PTPRD: variants seen among roughly 807,000 people sequenced by gnomAD.
PTPRD encodes receptor-type tyrosine-protein phosphatase delta.
In PTPRD, 34 loss-of-function variants were observed where a neutral mutation model predicts 214.5. That is an observed-to-expected ratio of 0.16 (90% confidence interval 0.12 to 0.21). PTPRD has a LOEUF of 0.21. Ranked by LOEUF, PTPRD falls within the 10% of genes least tolerant of loss-of-function variation. The pLI is 1.00. For synonymous variants in PTPRD, 1,128 were observed against 845.7 expected (o/e 1.33, Z -5.79); for missense variants, 2,545 against 2,398.7 (o/e 1.06, Z -1.27).
chr9:8,375,731 T>C (rs1031341737), intron 39 of PTPRD, among the ~76,000 whole-genome samples: 3 of 152,080 alleles, frequency 2.0e-5, no homozygotes, highest in African/African-American at 7.2e-5. Flanking sequence ...CAGTGGACCA[T>C]AGCTACCTAC....
chr9:8,324,109 T>TC (rs1468392742), intron 44 of PTPRD, among the ~76,000 whole-genome samples: 1 of 151,864 alleles, frequency 6.6e-6, no homozygotes. Flanking sequence ...GCATTTTTTT[T>TC]TTTTTTTAAA....
intron 12 of PTPRD, among the ~76,000 whole-genome samples, chr9:8,722,140 TGTGTGTGTGTGTGTGTGTGTG>T (rs1268777756): frequency 3.1e-5 from 4 of 128,172 alleles, no homozygotes; most frequent in African/African-American, 2.0e-4. Context: ...TGTGTGTGTG[TGTGTGTGTGTGTGTGTGTGTG>T]TGTGTACAGA....
At chr9:8,524,742 G>A (rs1355447187) in intron 18 of PTPRD, 183 bp downstream of exon 18, 3 of 738,450 alleles carry the variant, frequency 4.1e-6, no homozygotes, top group East Asian at 2.5e-5. Context: ...CTCAAGAGTT[G>A]TCTTTTGGAG....
intron 12 of PTPRD, among the ~76,000 whole-genome samples, chr9:8,656,859 A>C (rs2096919682): frequency 6.6e-6 from 1 of 152,224 alleles, no homozygotes; most frequent in African/African-American, 2.4e-5. Context: ...GATATGTCAT[A>C]AATTCAAAGA....
chr9:9,807,296 A>C (rs1212563956), intron 5 of PTPRD, among the ~76,000 whole-genome samples: 2 of 152,060 alleles, frequency 1.3e-5, no homozygotes, highest in East Asian at 3.9e-4. Context: ...TACCAAATAC[A>C]CATTTTCTAT....
intron 9 of PTPRD, among the ~76,000 whole-genome samples, chr9:9,212,437 T>G (rs772385455): frequency 1.3e-5 from 2 of 152,192 alleles, no homozygotes; most frequent in African/African-American, 4.8e-5. Context: ...GCCTCCTCAC[T>G]ATTTAGTCAG....
At chr9:8,798,758 G>T (rs765264431) in intron 11 of PTPRD, among the ~76,000 whole-genome samples, 1 of 152,066 alleles carries the variant, frequency 6.6e-6, no homozygotes, top group Non-Finnish European at 1.5e-5. Context: ...CTGCAATATT[G>T]GCTCCTACTA....
At chr9:9,891,127 G>A (rs1201655561) in intron 5 of PTPRD, among the ~76,000 whole-genome samples, 1 of 152,114 alleles carries the variant, frequency 6.6e-6, no homozygotes, top group Non-Finnish European at 1.5e-5. Context: ...AGGAAAAAGG[G>A]AAATGTAGAC....
intron 9 of PTPRD, among the ~76,000 whole-genome samples, chr9:9,360,201 T>C (rs772077782): frequency 5.3e-5 from 8 of 150,990 alleles, no homozygotes; most frequent in Admixed American, 1.3e-4. Context: ...ATTTTGAGCA[T>C]TGGACAGCTG....
At chr9:9,324,421 T>A (rs1170755974) in intron 9 of PTPRD, among the ~76,000 whole-genome samples, 1 of 152,214 alleles carries the variant, frequency 6.6e-6, no homozygotes. Flanking sequence ...GGTTTTGATG[T>A]GCATTTCTCT....
intron 37 of PTPRD, among the ~76,000 whole-genome samples, chr9:8,384,534 GTTT>G (rs1334966864): frequency 6.6e-6 from 1 of 151,840 alleles, no homozygotes; most frequent in Non-Finnish European, 1.5e-5. Flanking sequence ...TTGTTTTTTT[GTTT>G]TTGTTTTGAG....
chr9:9,633,227 G>A (rs1011065047), intron 7 of PTPRD, among the ~76,000 whole-genome samples: 5 of 151,902 alleles, frequency 3.3e-5, no homozygotes, highest in African/African-American at 4.8e-5. Flanking sequence ...CCTGGGAGGC[G>A]GAGGTTGAAG....
At chr9:8,537,096 T>A (rs2077144560) in intron 14 of PTPRD, among the ~76,000 whole-genome samples, 2 of 151,974 alleles carry the variant, frequency 1.3e-5, no homozygotes, top group East Asian at 3.9e-4. Context: ...AGGGTATAAT[T>A]TGTACTGTGT....
intron 4 of PTPRD, among the ~76,000 whole-genome samples, chr9:10,031,653 C>T (rs1318142792): frequency 2.6e-3 from 225 of 88,094 alleles, no homozygotes; most frequent in African/African-American, 9.6e-3. Context: ...TATATACACA[C>T]ACACACACAC....
intron 18 of PTPRD, 157 bp downstream of exon 18, chr9:8,524,768 T>A (rs769501566): frequency 1.3e-4 from 102 of 768,528 alleles, no homozygotes; most frequent in South Asian, 7.9e-4. Context: ...CAACACATTT[T>A]AAATTTTTAA....
chr9:9,395,187 C>CAA (rs35523026), intron 9 of PTPRD, among the ~76,000 whole-genome samples: 207 of 141,658 alleles, frequency 1.5e-3, no homozygotes, highest in Middle Eastern at 0.011. Flanking sequence ...GAACATGAAA[C>CAA]AAAAAAAAAA....
At chr9:10,221,743 T>C (rs1313406188) in intron 3 of PTPRD, among the ~76,000 whole-genome samples, 1 of 151,996 alleles carries the variant, frequency 6.6e-6, no homozygotes, top group Non-Finnish European at 1.5e-5. Flanking sequence ...AAGCAATGTA[T>C]AGCAACTAAA....
chr9:10,145,298 C>A (rs2099014788), intron 3 of PTPRD, among the ~76,000 whole-genome samples: 1 of 152,016 alleles, frequency 6.6e-6, no homozygotes, highest in Admixed American at 6.6e-5. Context: ...CCTTTAACAA[C>A]ACAGTTTTAA....
chr9:8,460,784 A>T (rs1017512861), intron 32 of PTPRD, among the ~76,000 whole-genome samples: 2 of 152,088 alleles, frequency 1.3e-5, no homozygotes, highest in African/African-American at 4.8e-5. Context: ...AGAGTGAACT[A>T]TTTTATAATA....
Sources: gnomAD v4.1 joint callset for allele counts (sites outside exome capture counted in the v4.1 genomes callset) on GRCh38, gnomAD v4.1.1 for gene constraint, MANE v1.5 for transcripts, NCBI Gene and HGNC (gene_info 2026-07-23, HGNC 2026-07-21) for gene names.